The following ROBO2 variants were observed in gnomAD, a reference collection of about 807,000 sequenced individuals.
ROBO2 encodes the protein roundabout guidance receptor 2, also known as roundabout homolog 2.
ROBO2 carries 53 observed loss-of-function variants against 160.8 expected under a neutral mutation model. The ratio of observed to expected loss-of-function variants is 0.33; its 90% CI spans 0.26 to 0.41. The LOEUF (loss-of-function observed/expected upper bound fraction) is 0.41, where lower values mean the gene tolerates loss of function less well. ROBO2 is among the 10% of genes least tolerant of loss of function. The probability of loss-of-function intolerance (pLI) is 1.00; values close to 1 mark genes in which losing one functional copy is unlikely to be tolerated. For synonymous variants in ROBO2, 664 were observed against 611.7 expected, an observed-to-expected ratio of 1.09 and a Z score of -1.26; for missense variants, 1,577 against 1,722.4, an observed-to-expected ratio of 0.92 and a Z score of 1.49.
chr3:76,318,378 C>T (rs1223440130), intron 2 of ROBO2, among the ~76,000 whole-genome samples: 2 of 152,042 alleles, frequency 1.3e-5, no homozygotes, highest in Non-Finnish European at 1.5e-5. Context: ...GCATTACACC[C>T]TTATCAAGCA....
At chr3:76,273,064 AATAT>A (rs1306947512) in intron 2 of ROBO2, among the ~76,000 whole-genome samples, 2 of 108,536 alleles carry the variant, frequency 1.8e-5, no homozygotes, top group Non-Finnish European at 3.5e-5. Flanking sequence ...ATATATAAAA[AATAT>A]ATATAAATAT....
At chr3:77,511,571 C>G (rs190608547) in intron 5 of ROBO2, among the ~76,000 whole-genome samples, 65 of 152,066 alleles carry the variant, frequency 4.3e-4, no homozygotes, top group African/African-American at 1.5e-3. Context: ...TGGAAAATGC[C>G]TTGCTCTCTC....
At chr3:77,027,760 C>T (rs1226714461) in intron 2 of ROBO2, among the ~76,000 whole-genome samples, 1 of 152,110 alleles carries the variant, frequency 6.6e-6, no homozygotes, top group Non-Finnish European at 1.5e-5. Flanking sequence ...CAGATACACA[C>T]AGTGTGTTTA....
intron 2 of ROBO2, among the ~76,000 whole-genome samples, chr3:76,805,846 C>G (rs1290362549): frequency 6.6e-6 from 1 of 151,754 alleles, no homozygotes; most frequent in Admixed American, 6.6e-5. Context: ...AATTAAAGTC[C>G]CCCTCTGTAT....
intron 2 of ROBO2, among the ~76,000 whole-genome samples, chr3:76,387,207 G>A (rs914414515): frequency 4.6e-5 from 7 of 152,054 alleles, no homozygotes; most frequent in Non-Finnish European, 1.0e-4. Context: ...CCATGGGGGC[G>A]GAGGCTCTTA....
At chr3:76,677,070 A>G (rs1215137549) in intron 2 of ROBO2, among the ~76,000 whole-genome samples, 1 of 150,200 alleles carries the variant, frequency 6.7e-6, no homozygotes, top group Non-Finnish European at 1.5e-5. Context: ...AAGTGCTACT[A>G]AAGTTTCTAG....
intron 19 of ROBO2, among the ~76,000 whole-genome samples, chr3:77,601,560 T>C (rs556220443): frequency 6.8e-4 from 103 of 152,284 alleles, no homozygotes; most frequent in African/African-American, 2.4e-3. Context: ...TCGGAGTTGA[T>C]AGCATAAATT....
At chr3:75,929,075 C>CATGTGT (rs59675454) in intron 1 of ROBO2, among the ~76,000 whole-genome samples, 1 of 103,584 alleles carries the variant, frequency 9.7e-6, no homozygotes, top group Admixed American at 9.2e-5. Flanking sequence ...CTGGATAAGA[C>CATGTGT]GTGTGTGTGT....
At chr3:76,401,051 G>T (rs1437121519) in intron 2 of ROBO2, among the ~76,000 whole-genome samples, 1 of 151,476 alleles carries the variant, frequency 6.6e-6, no homozygotes, top group African/African-American at 2.4e-5. Flanking sequence ...ATACCCATGA[G>T]ATTTTGCATT....
chr3:76,811,349 T>A (rs1243497392), intron 2 of ROBO2, among the ~76,000 whole-genome samples: 3 of 152,184 alleles, frequency 2.0e-5, no homozygotes, highest in Non-Finnish European at 4.4e-5. Context: ...CATTTTTCAT[T>A]TTCTTATCAG....
chr3:76,357,999 T>G (rs1466505498), intron 2 of ROBO2, among the ~76,000 whole-genome samples: 4 of 151,912 alleles, frequency 2.6e-5, no homozygotes, highest in African/African-American at 9.6e-5. Context: ...CTTTATAGTT[T>G]ATTTGCTTAA....
chr3:76,634,116 G>C (rs2090181259), intron 2 of ROBO2, among the ~76,000 whole-genome samples: 1 of 152,192 alleles, frequency 6.6e-6, no homozygotes, highest in Admixed American at 6.5e-5. Flanking sequence ...TTTTCTCACA[G>C]TTCAGCAAGC....
chr3:76,092,711 T>C (rs2069284009), intron 2 of ROBO2, among the ~76,000 whole-genome samples: 1 of 152,172 alleles, frequency 6.6e-6, no homozygotes, highest in Non-Finnish European at 1.5e-5. Context: ...TAAAATTTTA[T>C]CTTAGTGACA....
intron 24 of ROBO2, among the ~76,000 whole-genome samples, chr3:77,637,555 T>G (rs1450726811): frequency 3.3e-5 from 5 of 152,198 alleles, no homozygotes; most frequent in Admixed American, 3.3e-4. Context: ...GCCTTATATG[T>G]TCAGAAGATT....
chr3:77,007,137 T>C (rs2061622355), intron 2 of ROBO2, among the ~76,000 whole-genome samples: 5 of 152,090 alleles, frequency 3.3e-5, no homozygotes, highest in Admixed American at 3.3e-4. Context: ...AAAGTGAGAA[T>C]TGCCTTCTTC....
chr3:77,513,760 C>G (rs4490332), intron 5 of ROBO2, among the ~76,000 whole-genome samples: 1 of 151,624 alleles, frequency 6.6e-6, no homozygotes, highest in South Asian at 2.1e-4. Context: ...AGCTTCTTTT[C>G]CACTTTGTCA....
intron 2 of ROBO2, among the ~76,000 whole-genome samples, chr3:76,171,288 C>T (rs2073028763): frequency 1.3e-5 from 2 of 151,418 alleles, no homozygotes; most frequent in African/African-American, 4.9e-5. Flanking sequence ...ACTCTGGACC[C>T]CAAATCTCCT....
At chr3:76,106,547 T>G (rs1370599356) in intron 2 of ROBO2, among the ~76,000 whole-genome samples, 1 of 152,050 alleles carries the variant, frequency 6.6e-6, no homozygotes, top group Non-Finnish European at 1.5e-5. Context: ...TGTTGAAGGG[T>G]TTCGAGCCAT....
rs145735583 is a variant in ROBO2 at position 76,390,371 on chromosome 3, G to A, written c.109+452769G>A. Among the ~76,000 whole-genome samples the A allele has an allele frequency of 1.2e-3, 183 of 152,052 alleles. 1 individual carries two copies. Among genetic ancestry groups the A allele is most frequent in the African/African-American group, 4.2e-3 (175 of 41,494 alleles). ...ACTATATATATAAACTATTCTGTATGTATTTGCATTTATATTTTGAAACTG... is the reference window on the plus strand; with the variant it reads ...ACTATATATATAAACTATTCTGTATATATTTGCATTTATATTTTGAAACTG... On this transcript the variant is annotated intron_variant, in intron 2 of 26. Coordinates refer to the ROBO2 transcript ENST00000487694.
Sources: gnomAD v4.1 joint callset for allele counts (sites outside exome capture counted in the v4.1 genomes callset) on GRCh38, gnomAD v4.1.1 for gene constraint, MANE v1.5 for transcripts, NCBI Gene and HGNC (gene_info 2026-07-23, HGNC 2026-07-21) for gene names.